Variants in ARFGAP1 observed in about 807,000 individuals in gnomAD.
ARFGAP1 encodes the protein ADP-ribosylation factor GTPase-activating protein 1.
In ARFGAP1, 26 loss-of-function variants were observed where a neutral mutation model predicts 54.0. The observed-to-expected ratio is 0.48, with a 90% CI of 0.35 to 0.67. The LOEUF (loss-of-function observed/expected upper bound fraction) is 0.67, where lower values mean the gene tolerates loss of function less well. ARFGAP1 is among the 30% of genes least tolerant of loss of function. The pLI is 0.00. For synonymous variants in ARFGAP1, 248 were observed against 211.9 expected (o/e 1.17, Z -1.48); for missense variants, 525 against 535.8 (o/e 0.98, Z 0.20).
rs761301351 is a variant in ARFGAP1, at chr20:63,278,099, T to C, written c.444-18T>C. 1.2e-6 allele frequency: 2 copies of C among 1,613,122 alleles called. No homozygotes were observed. Among genetic ancestry groups the C allele is most frequent in the Non-Finnish European group, 1.7e-6 (2 of 1,179,558 alleles). On this transcript the variant is annotated intron_variant, in intron 5 of 12. Transcript: ENST00000370283. ...TCACCCAGTTTTGGCCTTACCAGCC[T>C]TCGATTCTCGGTTTCAGAGTCTCTG...
intron 11 of ARFGAP1, 197 bp downstream of exon 11, chr20:63,285,910 T>C: frequency 2.1e-6 from 3 of 1,460,750 alleles, no homozygotes; most frequent in Non-Finnish European, 2.7e-6. Flanking sequence ...TGCGGCCCGG[T>C]CAGCCACTAA....
intron 1 of ARFGAP1, among the ~76,000 whole-genome samples, chr20:63,275,252 A>T (rs945759578): frequency 1.3e-5 from 2 of 152,252 alleles, no homozygotes; most frequent in Non-Finnish European, 2.9e-5. Flanking sequence ...TGTGGATTTC[A>T]CCATTAGAAG....
chr20:63,275,440 G>A lies in ARFGAP1; in HGVS notation c.-4-137G>A, dbSNP rs576631124. On this transcript the variant is annotated intron_variant, in intron 1 of 12. Coordinates refer to ENST00000370283, the MANE Select transcript of ARFGAP1 (RefSeq NM_018209.4). ...GCGGACCCCTGCTGCGAGTGGTCCT[G>A]TGACCGGGGCTTCCAAGCAGCTCAA... The A allele has an allele frequency of 1.1e-4, 88 of 788,912 alleles. No homozygotes were observed. The African/African-American group carries it at 1.4e-3, about 13-fold the overall frequency. 48.9% of individuals were successfully genotyped at this position (788,912 alleles called of 1,614,324 possible). A position where few individuals can be genotyped will look rare whatever the true frequency, so the allele number is the denominator to read the frequency against.
At chr20:63,277,978 G>C in intron 5 of ARFGAP1, 139 bp from the exon 6 acceptor site, 1 of 705,036 alleles carries the variant, frequency 1.4e-6, no homozygotes, top group Non-Finnish European at 2.4e-6. Context: ...CAGAGCTGAA[G>C]GCCACCCTGG....
intron 6 of ARFGAP1, 198 bp downstream of exon 6, chr20:63,278,401 C>T: frequency 1.8e-6 from 1 of 555,536 alleles, no homozygotes; most frequent in Non-Finnish European, 3.2e-6. Flanking sequence ...CAGTGAGCCC[C>T]AGCCAGCCCA....
At chr20:63,279,394 T>A (rs2067320775) in intron 7 of ARFGAP1, 2 of 351,896 alleles carry the variant, frequency 5.7e-6, no homozygotes, top group Non-Finnish European at 1.1e-5. Flanking sequence ...TTAGTAGAGA[T>A]GGGTTTTCAC....
rs759071488 is a variant in ARFGAP1, at chr20:63,276,138, C to G, written c.108C>G (p.Thr36=). The part of the protein sequence containing the change: ...GAFNPQWVSV[T]YGIWICLECS... ...TCAATCCTCAGTGGGTCAGTGTGACCTACGGCATCTGGATCTGCCTGGAGT... is the reference window on the plus strand; with the variant it reads ...TCAATCCTCAGTGGGTCAGTGTGACGTACGGCATCTGGATCTGCCTGGAGT... The change falls in exon 3 of 13, where the codon ACC becomes ACG. Residue 36 remains threonine (T), a synonymous_variant. Coordinates refer to ENST00000370283, the MANE Select transcript of ARFGAP1 (RefSeq NM_018209.4). The surrounding 1 kb of genome is among the most constrained non-coding windows in gnomAD (Gnocchi z 5.2). 9 of 1,613,964 alleles carry G rather than the reference C, an allele frequency of 5.6e-6. No homozygotes were observed. Among genetic ancestry groups the G allele is most frequent in the Middle Eastern group, 3.3e-4 (2 of 6,084 alleles).
chr20:63,278,809 C>T, intron 6 of ARFGAP1, 90 bp from the exon 7 acceptor site: 1 of 1,293,548 alleles, frequency 7.7e-7, no homozygotes. Context: ...CCCCCAGAGC[C>T]CCAGCCTTGC....
At chr20:63,275,930 A>T (rs1431846258) in intron 2 of ARFGAP1, among the ~76,000 whole-genome samples, 161 bp from the exon 3 acceptor site, 2 of 151,668 alleles carry the variant, frequency 1.3e-5, no homozygotes, top group African/African-American at 4.9e-5. Flanking sequence ...TGAACATTTT[A>T]TTACACGGAG....
intron 5 of ARFGAP1, 137 bp from the exon 6 acceptor site, chr20:63,277,980 C>A: frequency 1.4e-6 from 1 of 716,048 alleles, no homozygotes; most frequent in Non-Finnish European, 2.4e-6. Flanking sequence ...GAGCTGAAGG[C>A]CACCCTGGCC....
rs1309209701 is a variant in ARFGAP1, at chr20:63,285,716, A to T, written c.834+3A>T. The T allele has an allele frequency of 6.2e-7, 1 of 1,613,340 alleles. No individual in the cohort carries two copies. Among genetic ancestry groups the T allele is most frequent in the Non-Finnish European group, 8.5e-7 (1 of 1,179,808 alleles). On this transcript the variant is annotated splice_donor_region_variant and intron_variant, in intron 11 of 12. Coordinates refer to ENST00000370283, the MANE Select transcript of ARFGAP1 (RefSeq NM_018209.4). ...GGGTCTCTCAGTTGGCGTCCAAGGT[A>T]GGGAGCCTGCCAGATACGCGGGCAC... is the stretch of plus-strand genomic sequence containing the variant.
In ARFGAP1 at chr20:63,287,924, C is replaced by G. The variant is rs900036840; in HGVS notation, c.*51C>G. ...GCCCCCGGGCGACTTCGTGTTTGCA[C>G]TCTGCCCTCGTCGTTCCTCCTCCTT... is the stretch of plus-strand genomic sequence containing the variant. On this transcript the variant is annotated 3_prime_UTR_variant, in exon 13 of 13. Transcript: ENST00000370283. 8.3e-6 allele frequency: 12 copies of G among 1,452,658 alleles called. No homozygotes were observed. The highest frequency in any genetic ancestry group is 4.5e-6 in the Non-Finnish European group (5 of 1,101,076). The allele number at this position is 1,452,658 out of a possible 1,614,324, so 90.0% of individuals were successfully genotyped here.
At chr20:63,278,370 T>C (rs2067287011) in intron 6 of ARFGAP1, 167 bp downstream of exon 6, 2 of 635,704 alleles carry the variant, frequency 3.1e-6, no homozygotes, top group East Asian at 2.9e-5. Context: ...CCAGTGTGAA[T>C]TGGGGGTCTT....
rs191337405 is a variant in ARFGAP1, at chr20:63,282,100, C to G, written c.685-719C>G. On this transcript the variant is annotated intron_variant, in intron 8 of 12. Coordinates refer to ENST00000370283, the MANE Select transcript of ARFGAP1 (RefSeq NM_018209.4). ...ACTCTGGCCCCGTGTCTTCCCCCGT[C>G]ACAGCGCGCACCTGTCACATGCCCC... Among the ~76,000 whole-genome samples, 41 of 151,994 alleles carry G rather than the reference C, an allele frequency of 2.7e-4. No individual in the cohort carries two copies. In the East Asian group the frequency reaches 6.8e-3, roughly 25 times the overall value.
intron 11 of ARFGAP1, chr20:63,285,917 C>G: frequency 6.8e-7 from 1 of 1,472,814 alleles, no homozygotes; most frequent in Non-Finnish European, 9.1e-7. Flanking sequence ...CGGTCAGCCA[C>G]TAACTGTCAC....
At chr20:63,279,157 G>A (rs900243052) in intron 7 of ARFGAP1, 162 bp downstream of exon 7, 8 of 746,052 alleles carry the variant, frequency 1.1e-5, no homozygotes, top group Admixed American at 2.1e-5. Flanking sequence ...TTTCAAAAAT[G>A]TGGCTTAAAT....
chr20:63,289,536 G>A lies in ARFGAP1; in HGVS notation c.*1663G>A, dbSNP rs2067657029. Reference sequence around the variant, plus strand: ...AGGAGGGTGCCTTCCTCGGGGGTAGGGGGACGGCCCACTCTGCCCCAGGGA... The same window carrying A: ...AGGAGGGTGCCTTCCTCGGGGGTAGAGGGACGGCCCACTCTGCCCCAGGGA... On this transcript the variant is annotated 3_prime_UTR_variant, in exon 13 of 13. Transcript: ENST00000370283. 1 of 152,350 alleles carries A rather than the reference G, an allele frequency of 6.6e-6. No homozygotes were observed. The highest frequency in any genetic ancestry group is 6.5e-5 in the Admixed American group (1 of 15,290). The allele number at this position is 152,350 out of a possible 1,614,324, so 9.4% of individuals were successfully genotyped here.
At chr20:63,286,110 C>T (rs755952096) in intron 11 of ARFGAP1, 2 of 1,550,216 alleles carry the variant, frequency 1.3e-6, no homozygotes, top group East Asian at 2.4e-5. Context: ...TCGCTCCTCC[C>T]CCCCAAGCAT....
chr20:63,281,666 A>G (rs1296759735), intron 8 of ARFGAP1, among the ~76,000 whole-genome samples: 2 of 152,216 alleles, frequency 1.3e-5, no homozygotes, highest in African/African-American at 4.8e-5. Context: ...CAAGCAGGGC[A>G]GGTCTCCGGC....
Sources: allele counts gnomAD v4.1 joint callset (sites outside exome capture counted in the v4.1 genomes callset), GRCh38; gene constraint gnomAD v4.1.1; non-coding constraint Gnocchi (gnomAD v3.1); transcripts MANE v1.5; gene names NCBI Gene and HGNC (gene_info 2026-07-23, HGNC 2026-07-21).